The following SMIM36 variants were observed in gnomAD, a reference collection of about 807,000 sequenced individuals.
SMIM36 encodes the protein small integral membrane protein 36.
At chr17:55,524,306 CT>C in the SMIM36 span, among the ~76,000 whole-genome samples, 4 of 152,124 alleles carry the variant, frequency 2.6e-5, no homozygotes, top group Non-Finnish European at 5.9e-5. Context: ...ACCACATTTT[CT>C]TTATGTAATC....
intron 3 of SMIM36, among the ~76,000 whole-genome samples, chr17:55,474,899 G>T (rs1257851781): frequency 6.6e-6 from 1 of 152,172 alleles, no homozygotes; most frequent in African/African-American, 2.4e-5. Flanking sequence ...AACTTTGTGT[G>T]AGATAGACTG....
chr17:55,483,227 T>G (rs1909548701), intron 1 of SMIM36, among the ~76,000 whole-genome samples: 2 of 152,196 alleles, frequency 1.3e-5, no homozygotes, highest in African/African-American at 4.8e-5. Context: ...TGTTTCTTGT[T>G]GGGTTTGGCC....
At chr17:55,528,236 A>C in the SMIM36 span, among the ~76,000 whole-genome samples, 28 of 152,258 alleles carry the variant, frequency 1.8e-4, no homozygotes, top group African/African-American at 6.8e-4. Context: ...TGCCTGACAA[A>C]TGCTTGTTGC....
chr17:55,527,001 G>T, the SMIM36 span: 3 of 152,288 alleles, frequency 2.0e-5, no homozygotes, highest in South Asian at 6.2e-4. Context: ...CCTGAAAAAT[G>T]AAATTACTTC....
intron 4 of SMIM36, among the ~76,000 whole-genome samples, chr17:55,462,877 G>C (rs983110649): frequency 2.0e-5 from 3 of 152,104 alleles, no homozygotes; most frequent in African/African-American, 7.2e-5. Context: ...GCCAATTACT[G>C]TGTCTGAGGA....
intron 4 of SMIM36, among the ~76,000 whole-genome samples, chr17:55,463,930 A>G (rs1369900189): frequency 6.6e-6 from 1 of 152,152 alleles, no homozygotes; most frequent in African/African-American, 2.4e-5. Flanking sequence ...AGCCTGATCA[A>G]CATGGCAAAA....
intron 1 of SMIM36, among the ~76,000 whole-genome samples, chr17:55,495,764 A>G (rs1246789814): frequency 6.6e-6 from 1 of 152,140 alleles, no homozygotes; most frequent in African/African-American, 2.4e-5. Flanking sequence ...ACTGCTTTCC[A>G]GCCTGGGCTG....
intron 1 of SMIM36, among the ~76,000 whole-genome samples, chr17:55,480,935 A>T (rs1407066321): frequency 6.6e-6 from 1 of 152,216 alleles, no homozygotes; most frequent in East Asian, 1.9e-4. Context: ...ATAAACTGTC[A>T]TACTTTACTT....
At chr17:55,462,789 TA>T (rs1331174218) in intron 4 of SMIM36, among the ~76,000 whole-genome samples, 1 of 152,070 alleles carries the variant, frequency 6.6e-6, no homozygotes, top group Non-Finnish European at 1.5e-5. Context: ...ATGCACAATC[TA>T]AAATAGGTCA....
chr17:55,508,022 A>T (rs1030869897), intron 1 of SMIM36, among the ~76,000 whole-genome samples: 1 of 152,092 alleles, frequency 6.6e-6, no homozygotes, highest in African/African-American at 2.4e-5. Context: ...AGCCTAAGGG[A>T]CCCCTCTGGC....
In SMIM36 at chr17:55,501,154, A is replaced by G. The variant is rs797022232; in HGVS notation, c.*174+9725T>C. 2.0e-4 allele frequency among the ~76,000 whole-genome samples: 3 copies of G among 14,648 alleles called. 1 individual carries two copies. Among genetic ancestry groups the G allele is most frequent in the Non-Finnish European group, 2.7e-4 (3 of 11,062 alleles). The allele number at this position is 14,648 out of a possible 152,430, so 9.6% of individuals were successfully genotyped here. On this transcript the variant is annotated intron_variant, in intron 1 of 4. Transcript: ENST00000636752. ...ATATATAATATATCTTATATTTTAT[A>G]ATATATAATATATCTTATATATTAT...
intron 3 of SMIM36, chr17:55,476,984 G>T (rs1909437136): frequency 6.6e-6 from 1 of 152,168 alleles, no homozygotes; most frequent in South Asian, 2.1e-4. Context: ...TTAACAGTTT[G>T]GGAGTTGCTT....
intron 1 of SMIM36, among the ~76,000 whole-genome samples, chr17:55,479,858 C>T (rs561747908): frequency 2.4e-4 from 37 of 152,304 alleles, no homozygotes; most frequent in Admixed American, 7.8e-4. Flanking sequence ...GAACCCCTGT[C>T]GCTGCTGTTG....
chr17:55,496,282 C>G (rs1909805900), intron 1 of SMIM36, among the ~76,000 whole-genome samples: 1 of 152,118 alleles, frequency 6.6e-6, no homozygotes, highest in East Asian at 1.9e-4. Context: ...GTACGCCTGT[C>G]AACTTCAAAT....
At chr17:55,488,388 G>A (rs1182832650) in intron 1 of SMIM36, among the ~76,000 whole-genome samples, 1 of 152,294 alleles carries the variant, frequency 6.6e-6, no homozygotes, top group East Asian at 1.9e-4. Flanking sequence ...GAGATTCATT[G>A]TAGAAAAATT....
At chr17:55,515,318 C>T (rs993774775), upstream of SMIM36, among the ~76,000 whole-genome samples, 4 of 152,060 alleles carry the variant, frequency 2.6e-5, no homozygotes, top group Non-Finnish European at 4.4e-5. Context: ...TACTTGTAAT[C>T]AAGCAGGTGG....
intron 1 of SMIM36, among the ~76,000 whole-genome samples, chr17:55,487,317 G>A (rs1260491594): frequency 6.6e-6 from 1 of 152,136 alleles, no homozygotes; most frequent in Non-Finnish European, 1.5e-5. Flanking sequence ...AAACCTGCAC[G>A]TTGTGCACAT....
At position 55,470,082 on chromosome 17, in the gene SMIM36, G is replaced by A. The variant is rs1205781720; in HGVS notation, c.*348-2754C>T. ...CCCCCAGGATCTTGCTTCAAGTGCC[G>A]GAAATCTGGCCACTGGACCAAGGAA... On this transcript the variant is annotated intron_variant, in intron 3 of 4. Transcript: ENST00000636752. 3.3e-5 allele frequency among the ~76,000 whole-genome samples: 5 copies of A among 152,180 alleles called. No homozygotes were observed. The East Asian group carries it at 7.7e-4, about 23-fold the overall frequency.
chr17:55,529,609 T>TACACACACACACACAC, the SMIM36 span, among the ~76,000 whole-genome samples: 233 of 143,014 alleles, frequency 1.6e-3, 1 homozygote, highest in African/African-American at 5.3e-3. Context: ...CTACTAAAAA[T>TACACACACACACACAC]ACACACACAC....
Sources: allele counts gnomAD v4.1 joint callset (sites outside exome capture counted in the v4.1 genomes callset), GRCh38; gene constraint gnomAD v4.1.1; transcripts MANE v1.5; gene names NCBI Gene and HGNC (gene_info 2026-07-23, HGNC 2026-07-21).